The following KCNC3 variants were observed in gnomAD, a reference collection of about 807,000 sequenced individuals.
The protein encoded by KCNC3 is voltage-gated potassium channel KCNC3.
A neutral mutation model predicts 43.9 loss-of-function variants in KCNC3; 22 were observed. The observed-to-expected ratio is 0.50, with a 90% confidence interval of 0.36 to 0.72. The LOEUF (loss-of-function observed/expected upper bound fraction) is 0.72. KCNC3 is among the 30% of genes least tolerant of loss of function. KCNC3 has a pLI of 0.00. For missense variants in KCNC3, 829 were observed against 1,073.8 expected (o/e 0.77, Z 3.19); for synonymous variants, 492 against 488.0 (o/e 1.01, Z -0.11).
chr19:50,328,557 T>C lies in KCNC3; in HGVS notation c.526A>G (p.Ile176Val). ...LFEEELGFWG[I>V]DETDVEACCW... ...CAGGCCTCCACGTCGGTCTCGTCGA[T>C]GCCCCAGAAGCCGAGCTCCTCCTCA... Residue 176 changes from isoleucine (I) to valine (V), a missense_variant, in exon 1 of 5, where the codon ATC becomes GTC. Around this residue, in one of 7 missense-constraint regions of KCNC3, gnomAD observed 121 missense variants for 247.4 expected, o/e 0.49. Transcript: ENST00000477616. 6.2e-7 allele frequency: 1 copy of C among 1,610,836 alleles called. No homozygotes were observed. Among genetic ancestry groups the C allele is most frequent in the South Asian group, 1.1e-5 (1 of 90,998 alleles).
Position 50,324,431 on chromosome 19 carries a change from A to G in KCNC3, c.871-349T>C, listed in dbSNP as rs2037077535. On this transcript the variant is annotated intron_variant, in intron 1 of 4. Transcript: ENST00000477616. This position sits in a 1 kb window ranked among gnomAD's most constrained non-coding sequence, Gnocchi z 4.1. ...CCTGTGTCCTATTTCAGGGCCCCCC[A>G]GCAGGGTCCACGGGTTCTGCTGTGG... Among the ~76,000 whole-genome samples the G allele has an allele frequency of 6.6e-6, 1 of 151,966 alleles. No homozygotes were observed. The highest frequency in any genetic ancestry group is 2.1e-4 in the South Asian group (1 of 4,804).
chr19:50,316,467 G>A lies in KCNC3; in HGVS notation c.*24-376C>T, dbSNP rs373280169. 4.1e-4 allele frequency among the ~76,000 whole-genome samples: 62 copies of A among 152,076 alleles called. No homozygotes were observed. The East Asian group carries it at 9.5e-3, about 23-fold the overall frequency. ...CAATTAGGGAGGGAAGAAGCCTGGC[G>A]CAGTGGCTCAGACCTGTAATCCCAA... On this transcript the variant is annotated intron_variant, in intron 4 of 4. Coordinates refer to ENST00000477616, the MANE Select transcript of KCNC3 (RefSeq NM_004977.3).
intron 4 of KCNC3, among the ~76,000 whole-genome samples, chr19:50,318,300 A>G (rs907240805): frequency 1.3e-5 from 2 of 151,888 alleles, no homozygotes; most frequent in African/African-American, 4.8e-5. Context: ...CCAGCCTCCC[A>G]AGTAGCTGGG....
At chr19:50,317,812 C>T (rs2036976078) in intron 4 of KCNC3, among the ~76,000 whole-genome samples, 1 of 152,174 alleles carries the variant, frequency 6.6e-6, no homozygotes, top group Non-Finnish European at 1.5e-5. Flanking sequence ...TTTTCTTCCC[C>T]CAGAGATGGG....
chr19:50,322,487 C>A (rs1199264807), intron 2 of KCNC3, among the ~76,000 whole-genome samples: 1 of 152,118 alleles, frequency 6.6e-6, no homozygotes, highest in Non-Finnish European at 1.5e-5. Context: ...CACCTCCGCC[C>A]AAAATCTACA....
At chr19:50,326,911 G>C (rs1231301117) in intron 1 of KCNC3, among the ~76,000 whole-genome samples, 1 of 94,910 alleles carries the variant, frequency 1.1e-5, no homozygotes, top group African/African-American at 3.0e-5. Flanking sequence ...TAGGTTCTGG[G>C]TTTTGCACGG....
intron 4 of KCNC3, among the ~76,000 whole-genome samples, 189 bp from the exon 5 acceptor site, chr19:50,316,280 C>T (rs2123517354): frequency 7.5e-6 from 1 of 132,944 alleles, no homozygotes; most frequent in East Asian, 2.3e-4. Flanking sequence ...AAGGAGCTTC[C>T]GGGCTGGCTG....
At chr19:50,320,974 G>GAGGGT (rs1477071408) in intron 2 of KCNC3, among the ~76,000 whole-genome samples, 190 bp from the exon 3 acceptor site, 2 of 147,008 alleles carry the variant, frequency 1.4e-5, no homozygotes, top group African/African-American at 5.0e-5. Flanking sequence ...ACAGCTGGGA[G>GAGGGT]AGGGTATCAA....
chr19:50,330,373 C>T (rs1206198348), upstream of KCNC3, among the ~76,000 whole-genome samples: 6 of 151,768 alleles, frequency 4.0e-5, no homozygotes, highest in Admixed American at 2.0e-4. Flanking sequence ...CCAGGGTAGG[C>T]GAGGGCAGGG....
In KCNC3 at chr19:50,320,265, G is replaced by A. The variant is rs202004855; in HGVS notation, c.2255C>T (p.Ala752Val). ...CGTCCACTAGGGGGATATCCAGGCC[G>A]CGGCGTTGGCGTTGAGGTCGGGCAA... ...SFLPDLNANAAAWISP is the reference protein window; with the variant it reads ...SFLPDLNANAVAWISP The change falls in exon 4 of 5, where the codon GCG becomes GTG. Residue 752 changes from alanine (A) to valine (V), a missense_variant. Physicochemically the swap from Ala to Val is moderately conservative, Grantham distance 64. Coordinates refer to ENST00000477616, the MANE Select transcript of KCNC3 (RefSeq NM_004977.3). 50 of 1,059,406 alleles carry A rather than the reference G, an allele frequency of 4.7e-5. No individual in the cohort carries two copies. The East Asian group carries it at 1.1e-3, about 24-fold the overall frequency. The allele number at this position is 1,059,406 out of a possible 1,614,324, so 65.6% of individuals were successfully genotyped here.
upstream of KCNC3, among the ~76,000 whole-genome samples, chr19:50,330,450 T>C (rs1025893641): frequency 4.7e-5 from 7 of 149,030 alleles, no homozygotes; most frequent in African/African-American, 1.7e-4. Context: ...CTACAAAGAG[T>C]ACAAAGCTAC....
At chr19:50,318,698 C>T (rs1188821631) in intron 4 of KCNC3, among the ~76,000 whole-genome samples, 3 of 152,164 alleles carry the variant, frequency 2.0e-5, no homozygotes, top group African/African-American at 7.2e-5. Flanking sequence ...TTGCGGACCC[C>T]TTACAATCTG....
rs977654975 is a variant in KCNC3, at chr19:50,328,845, G to A, written c.238C>T (p.His80Tyr). 20 of 1,464,854 alleles carry A rather than the reference G, an allele frequency of 1.4e-5. No homozygotes were observed. Among genetic ancestry groups the A allele is most frequent in the African/African-American group, 3.0e-5 (2 of 67,622 alleles). 90.7% of individuals were successfully genotyped at this position (1,464,854 alleles called of 1,614,324 possible). ...PGLPAAAMGRHGGGGGDSGKI... is the reference protein window; with the variant it reads ...PGLPAAAMGRYGGGGGDSGKI... The stretch of plus-strand genomic sequence containing the variant: ...CCGCTGTCGCCACCGCCGCCGCCGT[G>A]CCGCCCCATGGCCGCCGCCGGCAGC... The change falls in exon 1 of 5, where the codon CAC becomes TAC. Residue 80 changes from histidine (H) to tyrosine (Y), a missense_variant. By Grantham distance (83) the His-to-Tyr change is moderately conservative. Transcript: ENST00000477616.
At chr19:50,326,733 G>A (rs1438263103) in intron 1 of KCNC3, among the ~76,000 whole-genome samples, 1 of 151,522 alleles carries the variant, frequency 6.6e-6, no homozygotes, top group African/African-American at 2.5e-5. Context: ...GGAGGAAATG[G>A]TTCAGGAGAG....
At chr19:50,319,972 G>A (rs1601094694) in intron 4 of KCNC3, among the ~76,000 whole-genome samples, 1 of 150,658 alleles carries the variant, frequency 6.6e-6, no homozygotes, top group East Asian at 2.0e-4. Context: ...GTGAGGATGG[G>A]GTCGGTCGTG....
At chr19:50,321,481 TA>T (rs1437696020) in intron 2 of KCNC3, among the ~76,000 whole-genome samples, 4 of 151,248 alleles carry the variant, frequency 2.6e-5, no homozygotes, top group African/African-American at 9.7e-5. Context: ...AGATAAAAGA[TA>T]AAAGATGCCA....
At chr19:50,332,996 G>C (rs953302765), upstream of KCNC3, among the ~76,000 whole-genome samples, 16 of 152,276 alleles carry the variant, frequency 1.1e-4, no homozygotes, top group Admixed American at 4.6e-4. The surrounding 1 kb of genome is among the most constrained non-coding windows in gnomAD (Gnocchi z 5.8). Flanking sequence ...GAAAATGTGA[G>C]GACTCTCTGC....
upstream of KCNC3, among the ~76,000 whole-genome samples, chr19:50,332,749 C>T (rs2037201823): frequency 6.6e-6 from 1 of 152,146 alleles, no homozygotes; most frequent in Admixed American, 6.5e-5. The surrounding 1 kb of genome is among the most constrained non-coding windows in gnomAD (Gnocchi z 5.8). Context: ...CCTTTCCCCA[C>T]CCCTGCTCCT....
rs1288206302 is a variant in KCNC3, at chr19:50,320,731, G to C, written c.2032C>G (p.Pro678Ala). The C allele has an allele frequency of 5.6e-6, 9 of 1,613,972 alleles. No individual in the cohort carries two copies. Among genetic ancestry groups the C allele is most frequent in the Non-Finnish European group, 6.8e-6 (8 of 1,179,962 alleles). ...AAAALAHEDC[P>A]AIDQPAMSPE... ...GACATGGCAGGCTGGTCAATGGCTG[G>C]GCAGTCCTCGTGGGCAAGCGCAGCT... The change falls in exon 3 of 5, where the codon CCA (proline) becomes GCA (alanine). Residue 678 changes from proline (P) to alanine (A), a missense_variant. This residue lies in a region of KCNC3 where 308 missense variants were observed against 276.2 expected (regional missense o/e 1.11). Transcript: ENST00000477616.
Sources: gnomAD v4.1 joint callset for allele counts (sites outside exome capture counted in the v4.1 genomes callset) on GRCh38, gnomAD v4.1.1 for gene constraint, gnomAD v4.1.1 regional missense constraint, Gnocchi (gnomAD v3.1) non-coding constraint, MANE v1.5 for transcripts, NCBI Gene and HGNC (gene_info 2026-07-23, HGNC 2026-07-21) for gene names.